Variants in DENND1A observed in about 807,000 individuals in gnomAD.
DENND1A encodes the protein DENN domain containing 1A.
Under a neutral mutation model 113.7 loss-of-function variants are expected in DENND1A, and 51 were observed. The ratio of observed to expected loss-of-function variants is 0.45; its 90% CI spans 0.36 to 0.57. The LOEUF is 0.57. Among genes scored for constraint, DENND1A ranks in the 20% least tolerant of loss-of-function variants. The pLI is 0.00. For synonymous variants in DENND1A, 565 were observed against 570.8 expected (o/e 0.99, Z 0.14); for missense variants, 1,258 against 1,395.9 (o/e 0.90, Z 1.57).
intron 5 of DENND1A, among the ~76,000 whole-genome samples, chr9:123,744,896 C>T (rs914681346): frequency 6.6e-5 from 10 of 150,742 alleles, no homozygotes; most frequent in Non-Finnish European, 1.3e-4. Flanking sequence ...CTGCCTCAGT[C>T]TCCCGAGTAG....
chr9:123,398,324 C>T (rs566536408), intron 21 of DENND1A, among the ~76,000 whole-genome samples: 78 of 152,228 alleles, frequency 5.1e-4, no homozygotes, highest in African/African-American at 1.5e-3. Flanking sequence ...AGGGGCCCGG[C>T]GGCTCAGACC....
Position 123,571,411 on chromosome 9 carries a change from C to G in DENND1A, c.867+11758G>C, listed in dbSNP as rs572618899. Among the ~76,000 whole-genome samples, 4 of 152,352 alleles carry G rather than the reference C, an allele frequency of 2.6e-5. No homozygotes were observed. The East Asian group carries it at 5.8e-4, about 22-fold the overall frequency. On this transcript the variant is annotated intron_variant, in intron 12 of 23. Coordinates refer to ENST00000394215, the MANE Select transcript of DENND1A (RefSeq NM_001352964.2). ...CCACCTCCACAATCAAGAAACAGAA[C>G]AGTTCCTTCACCACAGAAGGTTGGT... is the stretch of plus-strand genomic sequence containing the variant.
intron 19 of DENND1A, among the ~76,000 whole-genome samples, chr9:123,427,681 A>G (rs1334295681): frequency 1.3e-5 from 2 of 152,250 alleles, no homozygotes; most frequent in South Asian, 2.1e-4. Context: ...TTCTGTGCAC[A>G]TTGTCAACTT....
intron 23 of DENND1A, 45 bp from the exon 24 acceptor site, chr9:123,382,670 G>A: frequency 6.3e-7 from 1 of 1,593,462 alleles, no homozygotes; most frequent in Non-Finnish European, 8.6e-7. Context: ...GGCTGAGTTG[G>A]GACATATGTG....
intron 12 of DENND1A, among the ~76,000 whole-genome samples, chr9:123,579,961 T>G (rs1258407113): frequency 1.3e-5 from 2 of 152,184 alleles, no homozygotes; most frequent in Admixed American, 6.5e-5. Flanking sequence ...CAAACCAGCT[T>G]GCATATAGGA....
chr9:123,671,089 G>A (rs2063740491), intron 7 of DENND1A, among the ~76,000 whole-genome samples: 1 of 152,188 alleles, frequency 6.6e-6, no homozygotes, highest in Non-Finnish European at 1.5e-5. Flanking sequence ...GGACATTCAG[G>A]ACATGTCTGT....
intron 5 of DENND1A, among the ~76,000 whole-genome samples, chr9:123,700,588 T>G (rs1469042932): frequency 6.6e-6 from 1 of 152,252 alleles, no homozygotes; most frequent in Non-Finnish European, 1.5e-5. Context: ...GCAGAATTCC[T>G]TCTTCTCTGG....
intron 18 of DENND1A, among the ~76,000 whole-genome samples, chr9:123,442,893 TGA>T (rs1690670730): frequency 6.6e-6 from 1 of 151,830 alleles, no homozygotes; most frequent in South Asian, 2.1e-4. Context: ...ATGGGTGAAA[TGA>T]GATAGGAGGA....
chr9:123,464,548 C>T (rs1448456235), intron 13 of DENND1A, among the ~76,000 whole-genome samples: 1 of 152,052 alleles, frequency 6.6e-6, no homozygotes, highest in Non-Finnish European at 1.5e-5. Context: ...CTCACAGAGA[C>T]AGAAAGAATG....
At chr9:123,625,020 T>C (rs1053906568) in intron 10 of DENND1A, among the ~76,000 whole-genome samples, 5 of 152,228 alleles carry the variant, frequency 3.3e-5, no homozygotes, top group Non-Finnish European at 7.3e-5. Flanking sequence ...AGAAATCCTC[T>C]CCCGCCTCCC....
chr9:123,666,679 T>C (rs2063506994), intron 8 of DENND1A, among the ~76,000 whole-genome samples: 1 of 152,168 alleles, frequency 6.6e-6, no homozygotes, highest in African/African-American at 2.4e-5. Flanking sequence ...AAATAAGTCA[T>C]ATGAATGAAA....
chr9:123,572,398 A>G (rs568192114), intron 12 of DENND1A, among the ~76,000 whole-genome samples: 2 of 152,308 alleles, frequency 1.3e-5, no homozygotes, highest in African/African-American at 4.8e-5. Context: ...AAACATACAC[A>G]TACATACGTT....
intron 15 of DENND1A, among the ~76,000 whole-genome samples, chr9:123,457,112 C>G (rs2048181749): frequency 6.6e-6 from 1 of 152,224 alleles, no homozygotes; most frequent in South Asian, 2.1e-4. Context: ...ACTACTTTAA[C>G]TAGACTTTGT....
intron 2 of DENND1A, among the ~76,000 whole-genome samples, chr9:123,826,002 T>C (rs1353996843): frequency 6.6e-6 from 1 of 151,536 alleles, no homozygotes; most frequent in Non-Finnish European, 1.5e-5. Context: ...TCAGCTTGGA[T>C]ACCTGAGTGA....
chr9:123,379,909 C>G lies in DENND1A; in HGVS notation c.*1523G>C, dbSNP rs1349731933. On this transcript the variant is annotated 3_prime_UTR_variant, in exon 24 of 24. Transcript: ENST00000394215. ...GAATCTATGCTGAAACACCTAAGTG[C>G]CCAGGAGGTGCCCCCATGGCCCAGG... 1.3e-5 allele frequency: 2 copies of G among 152,324 alleles called. No homozygotes were observed. Among genetic ancestry groups the G allele is most frequent in the African/African-American group, 4.8e-5 (2 of 41,446 alleles). 9.4% of individuals were successfully genotyped at this position (152,324 alleles called of 1,614,324 possible).
chr9:123,415,412 A>C (rs2044645520), intron 19 of DENND1A, among the ~76,000 whole-genome samples: 1 of 152,236 alleles, frequency 6.6e-6, no homozygotes, highest in African/African-American at 2.4e-5. Context: ...GGGGGTGCGC[A>C]TTGAAGACCC....
chr9:123,574,762 A>G (rs966118489), intron 12 of DENND1A, among the ~76,000 whole-genome samples: 2 of 152,198 alleles, frequency 1.3e-5, no homozygotes, highest in African/African-American at 4.8e-5. Flanking sequence ...GGGCTGCTAA[A>G]AGCCTAAAAC....
chr9:123,718,144 AAG>A (rs2067103116), intron 5 of DENND1A, among the ~76,000 whole-genome samples: 1 of 152,240 alleles, frequency 6.6e-6, no homozygotes, highest in Admixed American at 6.5e-5. Context: ...TGAAGAAAAA[AAG>A]AACTTTTTCT....
At chr9:123,774,919 G>C (rs1182956087) in intron 3 of DENND1A, among the ~76,000 whole-genome samples, 1 of 152,142 alleles carries the variant, frequency 6.6e-6, no homozygotes, top group Admixed American at 6.6e-5. Flanking sequence ...AACAGTGAAA[G>C]AGACCCCTCT....
Sources: allele counts gnomAD v4.1 joint callset (sites outside exome capture counted in the v4.1 genomes callset), GRCh38; gene constraint gnomAD v4.1.1; transcripts MANE v1.5; gene names NCBI Gene and HGNC (gene_info 2026-07-23, HGNC 2026-07-21).